Variants in LPP observed in about 807,000 individuals in gnomAD.
LPP encodes the protein LIM domain containing preferred translocation partner in lipoma.
LPP carries 38 observed loss-of-function variants against 60.4 expected under a neutral mutation model. That is an observed-to-expected ratio of 0.63 (90% confidence interval 0.49 to 0.83). The LOEUF (loss-of-function observed/expected upper bound fraction) is 0.83, where lower values mean the gene tolerates loss of function less well. Among genes scored for constraint, LPP ranks in the 40% least tolerant of loss-of-function variants. LPP has a pLI of 0.00. For missense variants in LPP, 902 were observed against 783.6 expected, an observed-to-expected ratio of 1.15 and a Z score of -1.80; for synonymous variants, 328 against 290.8, an observed-to-expected ratio of 1.13 and a Z score of -1.30.
intron 7 of LPP, among the ~76,000 whole-genome samples, chr3:188,613,300 A>ATATCTATATCTATATCTATATC (rs1553944251): frequency 3.4e-5 from 5 of 146,170 alleles, no homozygotes; most frequent in Non-Finnish European, 6.1e-5. Context: ...ATCTATATCT[A>ATATCTATATCTATATCTATATC]TATCTATATC....
At chr3:188,513,103 G>C (rs1816301688) in intron 5 of LPP, among the ~76,000 whole-genome samples, 1 of 152,140 alleles carries the variant, frequency 6.6e-6, no homozygotes, top group Non-Finnish European at 1.5e-5. Flanking sequence ...TTATGCAAAG[G>C]ATTCCTGGAA....
At chr3:188,242,134 A>G (rs1191890331) in intron 2 of LPP, among the ~76,000 whole-genome samples, 1 of 152,190 alleles carries the variant, frequency 6.6e-6, no homozygotes, top group African/African-American at 2.4e-5. Context: ...TAAGGAATCC[A>G]CTAAATCCTT....
At chr3:188,309,013 C>CTTT (rs1752511574) in intron 2 of LPP, among the ~76,000 whole-genome samples, 1 of 112,604 alleles carries the variant, frequency 8.9e-6, no homozygotes, top group Non-Finnish European at 1.6e-5. Flanking sequence ...TCTTCTTTTT[C>CTTT]TTCTTCTTCT....
intron 5 of LPP, among the ~76,000 whole-genome samples, chr3:188,497,010 A>AT (rs5855203): frequency 0.56 from 82,863 of 148,752 alleles, 25,050 homozygotes; most frequent in East Asian, 0.84. Context: ...TTTCTGTGGC[A>AT]TTTTTTTTTT....
chr3:188,470,467 A>G (rs1015793798), intron 4 of LPP, among the ~76,000 whole-genome samples: 6 of 152,126 alleles, frequency 3.9e-5, no homozygotes, highest in African/African-American at 1.4e-4. Context: ...ATATTTTCCC[A>G]AATCTTCTCC....
At chr3:188,553,096 A>G (rs574988346) in intron 6 of LPP, among the ~76,000 whole-genome samples, 1 of 152,322 alleles carries the variant, frequency 6.6e-6, no homozygotes, top group Non-Finnish European at 1.5e-5. Context: ...GTAGAGGAAT[A>G]TTTAATCTAT....
intron 1 of LPP, among the ~76,000 whole-genome samples, chr3:188,203,526 A>ATATTTAAATATAT (rs1553811237): frequency 1.4e-3 from 47 of 32,460 alleles, no homozygotes; most frequent in Non-Finnish European, 3.0e-3. Context: ...AATATATATA[A>ATATTTAAATATAT]ATATATATTT....
chr3:188,351,899 C>T (rs150692416), intron 3 of LPP, among the ~76,000 whole-genome samples: 1 of 152,138 alleles, frequency 6.6e-6, no homozygotes, highest in Admixed American at 6.5e-5. Flanking sequence ...TTCTACTCTC[C>T]TTTCCACACA....
At chr3:188,672,055 G>C (rs531187422) in intron 7 of LPP, among the ~76,000 whole-genome samples, 1 of 152,142 alleles carries the variant, frequency 6.6e-6, no homozygotes, top group Non-Finnish European at 1.5e-5. Flanking sequence ...ATTAATTTTC[G>C]TGTTTGCATT....
chr3:188,817,010 T>C (rs916468988), intron 9 of LPP, among the ~76,000 whole-genome samples: 2 of 152,260 alleles, frequency 1.3e-5, no homozygotes. Flanking sequence ...AAGAGTTTCT[T>C]TGCCTTTTTG....
At chr3:188,480,441 T>C (rs939374131) in intron 4 of LPP, among the ~76,000 whole-genome samples, 11 of 152,204 alleles carry the variant, frequency 7.2e-5, no homozygotes, top group African/African-American at 2.7e-4. Context: ...TCACCAGCTA[T>C]GTAACTTTGA....
At chr3:188,679,542 TGTGTGTGTGTGTGTGTGTGTGC>T (rs1858957676) in intron 7 of LPP, among the ~76,000 whole-genome samples, 1 of 150,214 alleles carries the variant, frequency 6.7e-6, no homozygotes, top group Non-Finnish European at 1.5e-5. Context: ...TGTGTGTGTG[TGTGTGTGTGTGTGTGTGTGTGC>T]GCGCGCGCAT....
chr3:188,631,440 C>A (rs1206252095), intron 7 of LPP, among the ~76,000 whole-genome samples: 1 of 152,066 alleles, frequency 6.6e-6, no homozygotes, highest in African/African-American at 2.4e-5. Context: ...CTATTTTGTG[C>A]AATTAGCATC....
rs186810252 is a variant in LPP, at chr3:188,799,402, G to A, written c.1410+39120G>A. Among the ~76,000 whole-genome samples, 22 of 152,312 alleles carry A rather than the reference G, an allele frequency of 1.4e-4. No homozygotes were observed. The East Asian group carries it at 2.9e-3, about 20-fold the overall frequency. The stretch of plus-strand genomic sequence containing the variant: ...GTATGCTGACCTACTTTTCCTCAGA[G>A]ATATTTTTTGCAAGAATTGTTGAAG... On this transcript the variant is annotated intron_variant, in intron 9 of 11. Transcript: ENST00000617246.
rs929160556 is a variant in LPP, at chr3:188,307,488, C to T, written c.-66-34175C>T. Among the ~76,000 whole-genome samples, 18 of 152,348 alleles carry T rather than the reference C, an allele frequency of 1.2e-4. No individual in the cohort carries two copies. In the East Asian group the frequency reaches 3.1e-3, roughly 26 times the overall value. The stretch of plus-strand genomic sequence containing the variant: ...TGCCTCCACATCTGGCACTACCTAT[C>T]TCCTGTACTCTATTTTATTTTTGAG... On this transcript the variant is annotated intron_variant, in intron 2 of 11. Coordinates refer to ENST00000617246, the MANE Select transcript of LPP (RefSeq NM_001375462.1).
chr3:188,677,762 G>A (rs1858448366), intron 7 of LPP, among the ~76,000 whole-genome samples: 1 of 152,052 alleles, frequency 6.6e-6, no homozygotes, highest in South Asian at 2.1e-4. Flanking sequence ...CCTAACAAAT[G>A]TTATGGAAGT....
intron 3 of LPP, among the ~76,000 whole-genome samples, chr3:188,349,075 T>A (rs982268216): frequency 2.0e-5 from 3 of 152,192 alleles, no homozygotes; most frequent in Non-Finnish European, 4.4e-5. Flanking sequence ...AACCACGATG[T>A]CTCAGTCAAG....
chr3:188,575,807 C>A (rs761561599), intron 6 of LPP, among the ~76,000 whole-genome samples: 1 of 152,112 alleles, frequency 6.6e-6, no homozygotes. Flanking sequence ...GAAATGGGTT[C>A]TCACCAGTTG....
chr3:188,806,306 A>G (rs1244531155), intron 9 of LPP, among the ~76,000 whole-genome samples: 1 of 151,772 alleles, frequency 6.6e-6, no homozygotes, highest in Non-Finnish European at 1.5e-5. Context: ...CCCATATTCA[A>G]TTCCTTCCTT....
Sources: gnomAD v4.1 joint callset for allele counts (sites outside exome capture counted in the v4.1 genomes callset) on GRCh38, gnomAD v4.1.1 for gene constraint, MANE v1.5 for transcripts, NCBI Gene and HGNC (gene_info 2026-07-23, HGNC 2026-07-21) for gene names.